Variants in RPTN observed in about 807,000 individuals in gnomAD.
The protein encoded by RPTN is intermediate filament-associated protein.
A neutral mutation model predicts 3.6 loss-of-function variants in RPTN; 4 were observed. That is an observed-to-expected ratio of 1.12 (90% confidence interval 0.55 to 2.55). RPTN has a LOEUF of 2.55. RPTN is among the 30% of genes most tolerant of loss of function. RPTN has a pLI of 0.02. For synonymous variants in RPTN, 293 were observed against 319.3 expected (o/e 0.92, Z 0.88); for missense variants, 860 against 916.7 (o/e 0.94, Z 0.80).
Position 152,154,826 on chromosome 1 carries a change from T to C in RPTN, c.2273A>G (p.Asp758Gly). The part of the protein sequence containing the change: ...HEHEQSHQRR[D>G]RQTHEDKQNR... The stretch of plus-strand genomic sequence containing the variant: ...CTGCTTGTCTTCATGGGTTTGCCTG[T>C]CTCGTCTCTGATGGCTCTGCTCATG... Residue 758 changes from aspartate to glycine, a missense_variant, in exon 3 of 3, where the codon GAC becomes GGC. Coordinates refer to ENST00000316073, the MANE Select transcript of RPTN (RefSeq NM_001122965.1). 6.2e-7 allele frequency: 1 copy of C among 1,613,888 alleles called. No individual in the cohort carries two copies. Among genetic ancestry groups the C allele is most frequent in the East Asian group, 2.2e-5 (1 of 44,874 alleles).
At chr1:152,158,277 C>T (rs1261186981) in intron 1 of RPTN, among the ~76,000 whole-genome samples, 1 of 152,116 alleles carries the variant, frequency 6.6e-6, no homozygotes, top group East Asian at 1.9e-4. Flanking sequence ...TAGAAGCCAG[C>T]ATAGTAGGGC....
chr1:152,157,558 GGTGTGT>G (rs58634415), intron 2 of RPTN, among the ~76,000 whole-genome samples, 188 bp downstream of exon 2: 6,898 of 139,588 alleles, frequency 0.049, 186 homozygotes, highest in Non-Finnish European at 0.074. Context: ...GATACAAGGA[GGTGTGT>G]GTGTGTGTGT....
chr1:152,156,943 C>G lies in RPTN; in HGVS notation c.156G>C (p.Glu52Asp). ...GDILQRPNDPETVETILNLLD... is the reference protein window; with the variant it reads ...GDILQRPNDPDTVETILNLLD... ...AGAGGTTCAAGATGGTTTCCACAGT[C>G]TCTGGGTCATTTGGTCTCTGTTAGG... Residue 52 changes from glutamate (E) to aspartate (D), a missense_variant, in exon 3 of 3, where the codon GAG (glutamate) becomes GAC (aspartate). Physicochemically the swap from Glu to Asp is conservative, Grantham distance 45. Transcript: ENST00000316073. 1 of 1,613,286 alleles carries G rather than the reference C, an allele frequency of 6.2e-7. No homozygotes were observed. Among genetic ancestry groups the G allele is most frequent in the South Asian group, 1.1e-5 (1 of 90,906 alleles).
Position 152,155,107 on chromosome 1 carries a change from T to A in RPTN, c.1992A>T (p.Ala664=). The A allele has an allele frequency of 6.2e-7, 1 of 1,614,172 alleles. No homozygotes were observed. Among genetic ancestry groups the A allele is most frequent in the Non-Finnish European group, 8.5e-7 (1 of 1,180,006 alleles). Residue 664 remains alanine, a synonymous_variant, in exon 3 of 3, where the codon GCA becomes GCT. Transcript: ENST00000316073. ...AAAGTGGTCTTTCTTGTTGGATTTG[T>A]GCTAAGAGTTTGTGTTGGTGATGTT... ...DSQHHQHKLL[A]QIQQERPLCH...
In RPTN at chr1:152,156,392, T is replaced by C; in HGVS notation, c.707A>G (p.Gln236Arg). Residue 236 changes from glutamine to arginine, a missense_variant, in exon 3 of 3, where the codon CAG becomes CGG. Physicochemically the swap from Gln to Arg is conservative, Grantham distance 43. Coordinates refer to ENST00000316073, the MANE Select transcript of RPTN (RefSeq NM_001122965.1). Reference protein sequence around the residue: ...FALNRCEKPIQDSHYGQSERH... With the variant: ...FALNRCEKPIRDSHYGQSERH... ...TTCAGACTGACCATAATGAGAATCC[T>C]GAATTGGTTTTTCACACCGATTTAA... The C allele has an allele frequency of 6.2e-7, 1 of 1,614,260 alleles. No homozygotes were observed. The highest frequency in any genetic ancestry group is 8.5e-7 in the Non-Finnish European group (1 of 1,180,042).
In RPTN at chr1:152,157,865, G is replaced by A. The variant is rs149300461; in HGVS notation, c.25C>T (p.Leu9Phe). MAQLLNSI[L>F]SVIDVFHKYA... ...TTGTGGAATACGTCAATCACACTGA[G>A]TATGCTATTCAGGAGTTGAGCCATT... Residue 9 changes from leucine to phenylalanine, a missense_variant, in exon 2 of 3, where the codon CTC becomes TTC. Transcript: ENST00000316073. 47 of 1,613,846 alleles carry A rather than the reference G, an allele frequency of 2.9e-5. No individual in the cohort carries two copies. The highest frequency in any genetic ancestry group is 1.7e-4 in the Middle Eastern group (1 of 6,058).
In RPTN at chr1:152,156,453, T is replaced by G. The variant is rs1659207356; in HGVS notation, c.646A>C (p.Ser216Arg). ...SGKKVSHKST[S>R]GQAKWQGHIF... ...TGTCCCTGCCATTTAGCCTGGCCAC[T>G]GGTAGATTTGTGACTCACTTTTTTA... Residue 216 changes from serine to arginine, a missense_variant, in exon 3 of 3, where the codon AGT becomes CGT. Physicochemically the swap from Ser to Arg is moderately radical, Grantham distance 110. Transcript: ENST00000316073. 6.2e-7 allele frequency: 1 copy of G among 1,614,138 alleles called. No homozygotes were observed. Among genetic ancestry groups the G allele is most frequent in the African/African-American group, 1.3e-5 (1 of 74,948 alleles).
Position 152,156,355 on chromosome 1 carries a change from T to A in RPTN, c.744A>T (p.Gln248His), listed in dbSNP as rs1659205272. 1.9e-6 allele frequency: 3 copies of A among 1,614,154 alleles called. No homozygotes were observed. Among genetic ancestry groups the A allele is most frequent in the Non-Finnish European group, 1.7e-6 (2 of 1,180,062 alleles). Residue 248 changes from glutamine (Q) to histidine (H), a missense_variant, in exon 3 of 3, where the codon CAA becomes CAT. By Grantham distance (24) the Gln-to-His change is conservative. Coordinates refer to ENST00000316073, the MANE Select transcript of RPTN (RefSeq NM_001122965.1). The part of the protein sequence containing the change: ...SHYGQSERHT[Q>H]QSETLGQASH... ...AGGCTTGTCCAAGTGTTTCAGATTGTTGTGTATGTCTTTCAGACTGACCAT... is the reference window on the plus strand; with the variant it reads ...AGGCTTGTCCAAGTGTTTCAGATTGATGTGTATGTCTTTCAGACTGACCAT...
rs1224579248 is a variant in RPTN at position 152,156,944 on chromosome 1, T to A, written c.155A>T (p.Glu52Val). The A allele has an allele frequency of 6.2e-7, 1 of 1,613,406 alleles. No individual in the cohort carries two copies. Among genetic ancestry groups the A allele is most frequent in the Non-Finnish European group, 8.5e-7 (1 of 1,179,672 alleles). The change falls in exon 3 of 3, where the codon GAG (glutamate) becomes GTG (valine). Residue 52 changes from glutamate to valine, a missense_variant. Glu to Val is a moderately radical substitution (Grantham distance 121). Transcript: ENST00000316073. ...GDILQRPNDP[E>V]TVETILNLLD... ...GAGGTTCAAGATGGTTTCCACAGTC[T>A]CTGGGTCATTTGGTCTCTGTTAGGA... is the stretch of plus-strand genomic sequence containing the variant.
In RPTN at chr1:152,155,054, C is replaced by CA. The variant is rs766482305; in HGVS notation, c.2044dup (p.Cys682LeufsTer3). On this transcript the variant is annotated frameshift_variant, in exon 3 of 3. Transcript: ENST00000316073. LOFTEE classifies it low-confidence loss of function (END_TRUNC). ...CTGTCTGTGGCCCTGCTCACTACTG[C>CA]ATGATTGCCAGTCTCTCCCTTTGTG... 24 of 1,614,076 alleles carry CA rather than the reference C, an allele frequency of 1.5e-5. No individual in the cohort carries two copies. The highest frequency in any genetic ancestry group is 1.9e-5 in the Non-Finnish European group (23 of 1,180,028).
chr1:152,157,909 C>G lies in RPTN; in HGVS notation c.-20G>C. The G allele has an allele frequency of 1.2e-6, 2 of 1,612,706 alleles. No homozygotes were observed. Among genetic ancestry groups the G allele is most frequent in the Non-Finnish European group, 1.7e-6 (2 of 1,179,194 alleles). ...AGCCATTTTGACAAGTACGGGTGAACCTAAAAGAAGAAACAAGATTTCTCC... is the reference window on the plus strand; with the variant it reads ...AGCCATTTTGACAAGTACGGGTGAAGCTAAAAGAAGAAACAAGATTTCTCC... On this transcript the variant is annotated splice_region_variant and 5_prime_UTR_variant, in exon 2 of 3. Transcript: ENST00000316073.
intron 2 of RPTN, 67 bp from the exon 3 acceptor site, chr1:152,157,027 G>C: frequency 7.3e-7 from 1 of 1,364,432 alleles, no homozygotes; most frequent in Non-Finnish European, 1.0e-6. Context: ...GTGTATCAGT[G>C]TTCATGCCCC....
Position 152,154,527 on chromosome 1 carries a change from T to C in RPTN, c.*217A>G. On this transcript the variant is annotated 3_prime_UTR_variant, in exon 3 of 3. Coordinates refer to ENST00000316073, the MANE Select transcript of RPTN (RefSeq NM_001122965.1). ...TGTTCTCTGGTTTGGGGCCTCCCAC[T>C]GCTCTGGGTTGGATAGAAGGATGGT... 1 of 692,920 alleles carries C rather than the reference T, an allele frequency of 1.4e-6. No individual in the cohort carries two copies. The highest frequency in any genetic ancestry group is 2.0e-5 in the South Asian group (1 of 50,644). 42.9% of individuals were successfully genotyped at this position (692,920 alleles called of 1,614,324 possible). A position where few individuals can be genotyped will look rare whatever the true frequency, so the allele number is the denominator to read the frequency against.
rs375556656 is a variant in RPTN at position 152,156,744 on chromosome 1, T to G, written c.355A>C (p.Arg119=). The change falls in exon 3 of 3, where the codon AGA becomes CGA. Residue 119 remains arginine (R), a synonymous_variant. Coordinates refer to ENST00000316073, the MANE Select transcript of RPTN (RefSeq NM_001122965.1). ...QDCKFPGNTG[R]QHRQRHEEER... is the part of the protein sequence containing the mutation. ...TCCTCGTGCCTCTGTCTGTGTTGTC[T>G]GCCTGTGTTTCCTGGGAACTTACAG... 7.4e-6 allele frequency: 12 copies of G among 1,614,122 alleles called. No homozygotes were observed. The African/African-American group carries it at 1.1e-4, about 14-fold the overall frequency.
At chr1:152,158,144 A>C (rs1659243684) in intron 1 of RPTN, among the ~76,000 whole-genome samples, 1 of 152,170 alleles carries the variant, frequency 6.6e-6, no homozygotes, top group Non-Finnish European at 1.5e-5. Flanking sequence ...TTCTTAAAAA[A>C]CAAAAAATGC....
Position 152,153,723 on chromosome 1 carries a change from A to G in RPTN, c.*1021T>C, listed in dbSNP as rs922917799. On this transcript the variant is annotated 3_prime_UTR_variant, in exon 3 of 3. Transcript: ENST00000316073. Reference sequence around the variant, plus strand: ...TCTTGATCCCCTGGAATTTGCAAACATATGACATATACTTTCTCTTTATTT... The same window carrying G: ...TCTTGATCCCCTGGAATTTGCAAACGTATGACATATACTTTCTCTTTATTT... 2 of 152,244 alleles carry G rather than the reference A, an allele frequency of 1.3e-5. No individual in the cohort carries two copies. The highest frequency in any genetic ancestry group is 6.5e-5 in the Admixed American group (1 of 15,280). 9.4% of individuals were successfully genotyped at this position (152,244 alleles called of 1,614,324 possible). A position where few individuals can be genotyped will look rare whatever the true frequency, so the allele number is the denominator to read the frequency against.
At position 152,156,202 on chromosome 1, in the gene RPTN, G is replaced by C. The variant is rs1659201568; in HGVS notation, c.897C>G (p.Asp299Glu). The change falls in exon 3 of 3, where the codon GAC becomes GAG. Residue 299 changes from aspartate (D) to glutamate (E), a missense_variant. Coordinates refer to ENST00000316073, the MANE Select transcript of RPTN (RefSeq NM_001122965.1). ...QGQSSHYGQT[D>E]RQDQSYHYGQ... ...CATAATGATAACTCTGGTCTTGTCT[G>C]TCCGTCTGACCGTAGTGGGAACTCT... is the stretch of plus-strand genomic sequence containing the variant. 1 of 1,613,900 alleles carries C rather than the reference G, an allele frequency of 6.2e-7. No individual in the cohort carries two copies. The highest frequency in any genetic ancestry group is 8.5e-7 in the Non-Finnish European group (1 of 1,179,940).
chr1:152,156,959 C>T lies in RPTN; in HGVS notation c.140G>A (p.Arg47Lys), dbSNP rs1470182851. 12 of 1,610,584 alleles carry T rather than the reference C, an allele frequency of 7.5e-6. No homozygotes were observed. The highest frequency in any genetic ancestry group is 1.7e-4 in the Middle Eastern group (1 of 6,054). ...TTCCACAGTCTCTGGGTCATTTGGT[C>T]TCTGTTAGGAGATAAAACAAAGAGC... ...LLAEFGDILQ[R>K]PNDPETVETI... The change falls in exon 3 of 3, where the codon AGA (arginine) becomes AAA (lysine). Residue 47 changes from arginine to lysine, a missense_variant and splice_region_variant. Arg to Lys is a conservative substitution (Grantham distance 26, BLOSUM62 2). Coordinates refer to ENST00000316073, the MANE Select transcript of RPTN (RefSeq NM_001122965.1).
At position 152,154,587 on chromosome 1, in the gene RPTN, C is replaced by T. The variant is rs1659152774; in HGVS notation, c.*157G>A. 2 of 1,035,286 alleles carry T rather than the reference C, an allele frequency of 1.9e-6. No homozygotes were observed. The highest frequency in any genetic ancestry group is 3.2e-5 in the South Asian group (2 of 63,080). 64.1% of individuals were successfully genotyped at this position (1,035,286 alleles called of 1,614,324 possible). On this transcript the variant is annotated 3_prime_UTR_variant, in exon 3 of 3. Transcript: ENST00000316073. Reference sequence around the variant, plus strand: ...CTTTTCTGTGAGCCTTGGCTCTGGTCATCCTCTTTCATGTGGAATTTTTCT... The same window carrying T: ...CTTTTCTGTGAGCCTTGGCTCTGGTTATCCTCTTTCATGTGGAATTTTTCT...
Sources: gnomAD v4.1 joint callset for allele counts (sites outside exome capture counted in the v4.1 genomes callset) on GRCh38, gnomAD v4.1.1 for gene constraint, MANE v1.5 for transcripts, NCBI Gene and HGNC (gene_info 2026-07-23, HGNC 2026-07-21) for gene names.